Variants in WDHD1 observed in about 807,000 individuals in gnomAD.
WDHD1 encodes WD repeat and HMG-box DNA-binding protein 1.
A neutral mutation model predicts 135.4 loss-of-function variants in WDHD1; 111 were observed. That is an observed-to-expected ratio of 0.82 (90% CI 0.70 to 0.96). WDHD1 has a LOEUF of 0.96. Among genes scored for constraint, WDHD1 ranks in the 40% least tolerant of loss-of-function variants. WDHD1 has a pLI of 0.00. For missense variants in WDHD1, 1,351 were observed against 1,336.3 expected, an observed-to-expected ratio of 1.01 and a Z score of -0.17; for synonymous variants, 434 against 439.0, an observed-to-expected ratio of 0.99 and a Z score of 0.14.
chr14:55,000,867 A>C lies in WDHD1; in HGVS notation c.800+19T>G. 1.3e-6 allele frequency: 2 copies of C among 1,489,268 alleles called. No individual in the cohort carries two copies. The highest frequency in any genetic ancestry group is 1.5e-5 in the South Asian group (1 of 68,032). The allele number at this position is 1,489,268 out of a possible 1,614,324, so 92.3% of individuals were successfully genotyped here. ...ATAGAGATGAGCAAAGAAGAGACAA[A>C]AGATACACTAAATCATACCTTTCCA... On this transcript the variant is annotated intron_variant, in intron 9 of 25. Coordinates refer to ENST00000360586, the MANE Select transcript of WDHD1 (RefSeq NM_007086.4).
At chr14:55,005,712 G>C (rs527850661) in intron 7 of WDHD1, 16 of 456,384 alleles carry the variant, frequency 3.5e-5, no homozygotes, top group African/African-American at 3.0e-4. Context: ...TTTAAGTTAC[G>C]ATGGGAATCC....
At chr14:55,020,931 G>C (rs961278033) in intron 2 of WDHD1, among the ~76,000 whole-genome samples, 3 of 152,156 alleles carry the variant, frequency 2.0e-5, no homozygotes, top group Admixed American at 6.5e-5. Flanking sequence ...TATTTATTAA[G>C]TGGAAGTAGA....
chr14:55,004,588 G>A (rs1308132557), intron 7 of WDHD1, among the ~76,000 whole-genome samples: 1 of 152,142 alleles, frequency 6.6e-6, no homozygotes, highest in Non-Finnish European at 1.5e-5. Context: ...AAGTAGCTGG[G>A]ATTACAGGCA....
intron 16 of WDHD1, among the ~76,000 whole-genome samples, chr14:54,971,017 T>G (rs188214788): frequency 7.2e-5 from 11 of 152,326 alleles, no homozygotes; most frequent in South Asian, 2.1e-4. Flanking sequence ...TAAATGGTGC[T>G]GAGATAACTG....
intron 24 of WDHD1, among the ~76,000 whole-genome samples, chr14:54,947,165 C>T (rs1227099002): frequency 6.6e-6 from 1 of 152,014 alleles, no homozygotes; most frequent in East Asian, 1.9e-4. Flanking sequence ...CATGGAGAAA[C>T]CTCATCTCTA....
chr14:55,002,119 C>A lies in WDHD1; in HGVS notation c.667G>T (p.Asp223Tyr). 1 of 1,606,886 alleles carries A rather than the reference C, an allele frequency of 6.2e-7. No homozygotes were observed. The highest frequency in any genetic ancestry group is 1.1e-5 in the South Asian group (1 of 89,520). ...YRRESWSHQF[D>Y]LSDNFISQTL... ...TGAGAGATGAAATTATCTGAAAGATCAAATTGATGACTCCAAGATTCTCTT... is the reference window on the plus strand; with the variant it reads ...TGAGAGATGAAATTATCTGAAAGATAAAATTGATGACTCCAAGATTCTCTT... The change falls in exon 8 of 26, where the codon GAT becomes TAT. Residue 223 changes from aspartate to tyrosine, a missense_variant. Physicochemically the swap from Asp to Tyr is radical, Grantham distance 160. Around this residue, in one of 2 missense-constraint regions of WDHD1, gnomAD observed 1,330 missense variants for 1,296.1 expected, o/e 1.03. Coordinates refer to ENST00000360586, the MANE Select transcript of WDHD1 (RefSeq NM_007086.4).
At chr14:54,992,359 G>A (rs1258885705) in intron 11 of WDHD1, among the ~76,000 whole-genome samples, 1 of 151,550 alleles carries the variant, frequency 6.6e-6, no homozygotes, top group Non-Finnish European at 1.5e-5. Context: ...GCATGGTGGC[G>A]GGCACCTATA....
chr14:55,011,548 A>AAAAAAAAAG (rs2042170387), intron 3 of WDHD1, among the ~76,000 whole-genome samples: 1 of 150,318 alleles, frequency 6.7e-6, no homozygotes, highest in African/African-American at 2.4e-5. Context: ...AAAAAAAAAA[A>AAAAAAAAAG]AAGTATCCTG....
chr14:54,953,747 A>G (rs2041102823), intron 24 of WDHD1, among the ~76,000 whole-genome samples: 1 of 152,216 alleles, frequency 6.6e-6, no homozygotes, highest in Non-Finnish European at 1.5e-5. Flanking sequence ...GATAGACTAG[A>G]TTAAGAAAAT....
rs944471246 is a variant in WDHD1, at chr14:54,939,079, A to C, written c.*2411T>G. ...CATGATAAAATGTCAACAATAAGACAAACTAGAGGAAGGATATACAGGTGC... is the reference window on the plus strand; with the variant it reads ...CATGATAAAATGTCAACAATAAGACCAACTAGAGGAAGGATATACAGGTGC... On this transcript the variant is annotated 3_prime_UTR_variant, in exon 26 of 26. Coordinates refer to ENST00000360586, the MANE Select transcript of WDHD1 (RefSeq NM_007086.4). 6.6e-6 allele frequency: 1 copy of C among 152,216 alleles called. No individual in the cohort carries two copies. Among genetic ancestry groups the C allele is most frequent in the Non-Finnish European group, 1.5e-5 (1 of 68,042 alleles). The allele number at this position is 152,216 out of a possible 1,614,324, so 9.4% of individuals were successfully genotyped here.
At chr14:55,004,861 G>C (rs2042038239) in intron 7 of WDHD1, 1 of 513,222 alleles carries the variant, frequency 1.9e-6, no homozygotes, top group African/African-American at 1.9e-5. Flanking sequence ...TCTGAGCAGT[G>C]GGGAGCCGCA....
intron 24 of WDHD1, among the ~76,000 whole-genome samples, chr14:54,952,831 A>G (rs1385982810): frequency 1.3e-5 from 2 of 152,124 alleles, no homozygotes; most frequent in East Asian, 1.9e-4. Context: ...CACATCTACA[A>G]CCATCTGATC....
chr14:55,022,785 C>CTT (rs2042371523), intron 2 of WDHD1, among the ~76,000 whole-genome samples: 1 of 151,562 alleles, frequency 6.6e-6, no homozygotes, highest in Non-Finnish European at 1.5e-5. Flanking sequence ...TCTTGGTCAG[C>CTT]AGAAGCTGAT....
chr14:54,945,938 A>T (rs1023661328), intron 24 of WDHD1, among the ~76,000 whole-genome samples: 1 of 152,240 alleles, frequency 6.6e-6, no homozygotes, highest in East Asian at 1.9e-4. Flanking sequence ...GGTTAAAAAA[A>T]TTTTTATTAA....
rs577939434 is a variant in WDHD1, at chr14:54,943,487, T to G, written c.3189+845A>C. ...ACGGCTCACTGCAGCCTTGACCTCCTGGGCTCAAGTAAGTGATCTTCCCAC... is the reference window on the plus strand; with the variant it reads ...ACGGCTCACTGCAGCCTTGACCTCCGGGGCTCAAGTAAGTGATCTTCCCAC... On this transcript the variant is annotated intron_variant, in intron 25 of 25. Transcript: ENST00000360586. Among the ~76,000 whole-genome samples the G allele has an allele frequency of 2.2e-3, 337 of 152,244 alleles. 2 individuals carry two copies. Among genetic ancestry groups the G allele is most frequent in the African/African-American group, 7.6e-3 (316 of 41,550 alleles).
rs548343272 is a variant in WDHD1 at position 54,989,784 on chromosome 14, T to C, written c.1342-572A>G. On this transcript the variant is annotated intron_variant, in intron 12 of 25. Coordinates refer to ENST00000360586, the MANE Select transcript of WDHD1 (RefSeq NM_007086.4). ...AAGTGATTCTCCTCCCTCAGCCTCC[T>C]GTGTAGCTGTGGTTACAGGTGCATG... 7.9e-5 allele frequency among the ~76,000 whole-genome samples: 12 copies of C among 152,132 alleles called. No homozygotes were observed. In the South Asian group the frequency reaches 2.5e-3, roughly 32 times the overall value.
chr14:54,973,151 TAA>T (rs1566720066), intron 16 of WDHD1, among the ~76,000 whole-genome samples: 2 of 152,234 alleles, frequency 1.3e-5, no homozygotes, highest in Non-Finnish European at 2.9e-5. Flanking sequence ...CATATTTTCA[TAA>T]AGTCATTTAA....
chr14:54,944,697 G>T, intron 24 of WDHD1: 1 of 253,158 alleles, frequency 4.0e-6, no homozygotes. Flanking sequence ...TCAGCTCACT[G>T]CAACCTCCGC....
At position 54,939,548 on chromosome 14, in the gene WDHD1, C is replaced by A. The variant is rs2040809442; in HGVS notation, c.*1942G>T. The A allele has an allele frequency of 6.6e-6, 1 of 150,754 alleles. No individual in the cohort carries two copies. The highest frequency in any genetic ancestry group is 6.6e-5 in the Admixed American group (1 of 15,064). 9.3% of individuals were successfully genotyped at this position (150,754 alleles called of 1,614,324 possible). ...ATGATGATTAATAATTAATTTATTT[C>A]CATTTTCACTTTCATACTATTCAGT... is the stretch of plus-strand genomic sequence containing the variant. On this transcript the variant is annotated 3_prime_UTR_variant, in exon 26 of 26. Transcript: ENST00000360586.
Sources: gnomAD v4.1 joint callset for allele counts (sites outside exome capture counted in the v4.1 genomes callset) on GRCh38, gnomAD v4.1.1 for gene constraint, gnomAD v4.1.1 regional missense constraint, MANE v1.5 for transcripts, NCBI Gene and HGNC (gene_info 2026-07-23, HGNC 2026-07-21) for gene names.